SEC16A: variants seen among roughly 807,000 people sequenced by gnomAD.
SEC16A encodes the protein protein transport protein Sec16A.
In SEC16A, 110 loss-of-function variants were observed where a neutral mutation model predicts 221.9. That is an observed-to-expected ratio of 0.50 (90% CI 0.42 to 0.58). The LOEUF is 0.58. Ranked by LOEUF, SEC16A falls within the 20% of genes least tolerant of loss-of-function variation. SEC16A has a pLI of 0.00. For missense variants in SEC16A, 3,165 were observed against 3,097.8 expected (o/e 1.02, Z -0.52); for synonymous variants, 1,393 against 1,257.7 (o/e 1.11, Z -2.28).
chr9:136,476,178 G>C lies in SEC16A; in HGVS notation c.1438C>G (p.Pro480Ala), dbSNP rs1252469869. 2.5e-6 allele frequency: 4 copies of C among 1,613,814 alleles called. No homozygotes were observed. The highest frequency in any genetic ancestry group is 1.1e-5 in the South Asian group (1 of 91,076). Residue 480 changes from proline (P) to alanine (A), a missense_variant, in exon 3 of 32, where the codon CCT (proline) becomes GCT (alanine). Physicochemically the swap from Pro to Ala is conservative, Grantham distance 27. Transcript: ENST00000684901. Reference sequence around the variant, plus strand: ...CTGAACTGGTCACTCGGGGAGGAAGGGTCCAAATTGAGGGGCTCACTTGGC... The same window carrying C: ...CTGAACTGGTCACTCGGGGAGGAAGCGTCCAAATTGAGGGGCTCACTTGGC... Reference protein sequence around the residue: ...VLPSEPLNLDPSSPSDQFRYG... With the variant: ...VLPSEPLNLDASSPSDQFRYG...
At chr9:136,478,934 T>C (rs1197990295) in intron 1 of SEC16A, among the ~76,000 whole-genome samples, 104 bp from the exon 2 acceptor site, 2 of 149,298 alleles carry the variant, frequency 1.3e-5, no homozygotes, top group Admixed American at 1.4e-4. Context: ...CACCTCTTCA[T>C]AGGTCTCCGT....
At chr9:136,451,147 C>T in intron 23 of SEC16A, 109 bp downstream of exon 23, 1 of 1,145,526 alleles carries the variant, frequency 8.7e-7, no homozygotes, top group Non-Finnish European at 1.3e-6. Context: ...CTGTTTGTAT[C>T]AGGAGGCTAT....
intron 3 of SEC16A, among the ~76,000 whole-genome samples, chr9:136,473,321 C>T (rs1469984225): frequency 2.0e-5 from 3 of 152,234 alleles, no homozygotes; most frequent in African/African-American, 7.2e-5. Flanking sequence ...TGAACCCAAT[C>T]GGTGTATGTT....
chr9:136,479,419 C>T (rs1842041458), intron 1 of SEC16A, among the ~76,000 whole-genome samples: 1 of 151,946 alleles, frequency 6.6e-6, no homozygotes, highest in Non-Finnish European at 1.5e-5. Context: ...GTGGTGCGAT[C>T]TCGGCTCACT....
intron 11 of SEC16A, 81 bp downstream of exon 11, chr9:136,463,382 G>C: frequency 6.5e-7 from 1 of 1,549,134 alleles, no homozygotes; most frequent in South Asian, 1.2e-5. Context: ...ATCCCGCCCT[G>C]CTCCTTCGGG....
chr9:136,450,309 T>C (rs373397356), intron 23 of SEC16A, among the ~76,000 whole-genome samples: 1 of 151,988 alleles, frequency 6.6e-6, no homozygotes, highest in African/African-American at 2.4e-5. Flanking sequence ...AGGACTTATA[T>C]CCATAATACA....
In SEC16A at chr9:136,475,530, G is replaced by A; in HGVS notation, c.2086C>T (p.Pro696Ser). Residue 696 changes from proline (P) to serine (S), a missense_variant, in exon 3 of 32, where the codon CCC becomes TCC. Transcript: ENST00000684901. The surrounding 1 kb of genome is among the most constrained non-coding windows in gnomAD (Gnocchi z 5.0). ...VHMLPHAGAPPLDTVYPAPEK... is the reference protein window; with the variant it reads ...VHMLPHAGAPSLDTVYPAPEK... ...GGTGCTGGATACACAGTATCCAAGG[G>A]CGGTGCCCCTGCGTGCGGAAGCATG... The A allele has an allele frequency of 6.2e-7, 1 of 1,613,390 alleles. No individual in the cohort carries two copies. The highest frequency in any genetic ancestry group is 8.5e-7 in the Non-Finnish European group (1 of 1,179,666).
At position 136,475,398 on chromosome 9, in the gene SEC16A, G is replaced by A; in HGVS notation, c.2218C>T (p.Leu740=). The part of the protein sequence containing the change: ...ELPDFGGNVL[L]APAAPALYVC... ...TAAAGCGCCGGGGCTGCAGGGGCCA[G>A]AAGGACGTTGCCTCCAAAATCTGGC... Residue 740 remains leucine (L), a synonymous_variant, in exon 3 of 32, where the codon CTG becomes TTG. Coordinates refer to ENST00000684901, the MANE Select transcript of SEC16A (RefSeq NM_014866.2). This position sits in a 1 kb window ranked among gnomAD's most constrained non-coding sequence, Gnocchi z 5.0. 6.2e-7 allele frequency: 1 copy of A among 1,610,598 alleles called. No homozygotes were observed. The highest frequency in any genetic ancestry group is 1.7e-4 in the Middle Eastern group (1 of 6,050).
At chr9:136,469,385 G>C (rs369782734) in intron 4 of SEC16A, among the ~76,000 whole-genome samples, 1 of 152,218 alleles carries the variant, frequency 6.6e-6, no homozygotes, top group Non-Finnish European at 1.5e-5. Flanking sequence ...CCATGATCCT[G>C]ACTCTCACTA....
Position 136,447,662 on chromosome 9 carries a change from G to A in SEC16A, c.6466C>T (p.Pro2156Ser), listed in dbSNP as rs1456762922. ...ACAGTCTTGGGCATCGAGGTTGGAG[G>A]TGGGGGCGGGGCTTTCTTCTGCAGA... ...PEEEKKAPPP[P>S]PTSMPKTVQA... The change falls in exon 26 of 32, where the codon CCT (proline) becomes TCT (serine). Residue 2156 changes from proline to serine, a missense_variant. Physicochemically the swap from Pro to Ser is moderately conservative, Grantham distance 74. Transcript: ENST00000684901. The surrounding 1 kb of genome is among the most constrained non-coding windows in gnomAD (Gnocchi z 5.5). The A allele has an allele frequency of 9.3e-6, 15 of 1,612,310 alleles. No homozygotes were observed. Among genetic ancestry groups the A allele is most frequent in the Non-Finnish European group, 1.1e-5 (13 of 1,178,692 alleles).
In SEC16A at chr9:136,464,467, G is replaced by T; in HGVS notation, c.4399C>A (p.Leu1467Met). The T allele has an allele frequency of 6.2e-7, 1 of 1,612,966 alleles. No individual in the cohort carries two copies. Among genetic ancestry groups the T allele is most frequent in the Non-Finnish European group, 8.5e-7 (1 of 1,179,048 alleles). Residue 1467 changes from leucine (L) to methionine (M), a missense_variant, in exon 9 of 32, where the codon CTG becomes ATG. Coordinates refer to ENST00000684901, the MANE Select transcript of SEC16A (RefSeq NM_014866.2). Reference protein sequence around the residue: ...GGQLIKVIPNLPSEGQPALVE... With the variant: ...GGQLIKVIPNMPSEGQPALVE... ...AAGGCCGGCTGTCCTTCTGAAGGCA[G>T]ATTGGGAATCACTTTGATAAGCTGA...
intron 2 of SEC16A, among the ~76,000 whole-genome samples, chr9:136,477,999 C>T (rs1037119297): frequency 5.9e-5 from 9 of 152,206 alleles, no homozygotes; most frequent in African/African-American, 2.2e-4. Flanking sequence ...GCCACAACAA[C>T]AGGGACAGTG....
chr9:136,474,406 G>C lies in SEC16A; in HGVS notation c.3210C>G (p.Pro1070=), dbSNP rs1841337693. 1.2e-6 allele frequency: 2 copies of C among 1,612,714 alleles called. No individual in the cohort carries two copies. Among genetic ancestry groups the C allele is most frequent in the African/African-American group, 1.3e-5 (1 of 74,936 alleles). ...ELVPPQQQAS[P]PQLPKAMFSE... is the part of the protein sequence containing the mutation. ...AAAACATGGCTTTGGGTAGTTGTGGGGGAGAAGCCTGTTGCTGGGGTGGCA... is the reference window on the plus strand; with the variant it reads ...AAAACATGGCTTTGGGTAGTTGTGGCGGAGAAGCCTGTTGCTGGGGTGGCA... Residue 1070 remains proline (P), a synonymous_variant, in exon 3 of 32, where the codon CCC becomes CCG. Transcript: ENST00000684901.
At chr9:136,451,160 G>T in intron 23 of SEC16A, 96 bp downstream of exon 23, 4 of 1,273,928 alleles carry the variant, frequency 3.1e-6, no homozygotes, top group Non-Finnish European at 3.3e-6. Flanking sequence ...GAGGCTATTT[G>T]CATGTGTGGT....
chr9:136,455,640 G>A lies in SEC16A; in HGVS notation c.5818C>T (p.Pro1940Ser), dbSNP rs1426157363. ...NPLLAVPAPS[P>S]EHSSPSVRLL... ...CGCACGCTCGGGCTCGAGTGCTCAG[G>A]GCTCGGTGCAGGCACCGCCAGCAGA... The change falls in exon 20 of 32, where the codon CCT becomes TCT. Residue 1940 changes from proline (P) to serine (S), a missense_variant. Physicochemically the swap from Pro to Ser is moderately conservative, Grantham distance 74. Coordinates refer to ENST00000684901, the MANE Select transcript of SEC16A (RefSeq NM_014866.2). 8 of 1,587,922 alleles carry A rather than the reference G, an allele frequency of 5.0e-6. No homozygotes were observed. The highest frequency in any genetic ancestry group is 5.1e-6 in the Non-Finnish European group (6 of 1,168,574).
rs370992876 is a variant in SEC16A at position 136,453,469 on chromosome 9, C to T, written c.6118G>A (p.Glu2040Lys). Residue 2040 changes from glutamate (E) to lysine (K), a missense_variant, in exon 22 of 32, where the codon GAG (glutamate) becomes AAG (lysine). Transcript: ENST00000684901. The stretch of plus-strand genomic sequence containing the variant: ...CCATCAAAATTTTCTTCGCTTAGCT[C>T]GGAAAGTGAGTTTCCAACAGGCGCC... The part of the protein sequence containing the change: ...QEAPVGNSLS[E>K]LSEENFDGKF... The T allele has an allele frequency of 1.2e-6, 2 of 1,613,414 alleles. No individual in the cohort carries two copies. The highest frequency in any genetic ancestry group is 1.7e-6 in the Non-Finnish European group (2 of 1,179,414).
chr9:136,475,059 G>T lies in SEC16A; in HGVS notation c.2557C>A (p.His853Asn), dbSNP rs779264673. ...INFSVSLSNS[H>N]EKNQSWREAL... The stretch of plus-strand genomic sequence containing the variant: ...TCTCTCCAGGACTGATTCTTCTCAT[G>T]AGAGTTCGATAAGGACACAGAAAAG... Residue 853 changes from histidine (H) to asparagine (N), a missense_variant, in exon 3 of 32, where the codon CAT becomes AAT. By Grantham distance (68) the His-to-Asn change is moderately conservative. Around this residue, in one of 3 missense-constraint regions of SEC16A, gnomAD observed 2,030 missense variants for 1,923.1 expected, o/e 1.06. Coordinates refer to ENST00000684901, the MANE Select transcript of SEC16A (RefSeq NM_014866.2). This position sits in a 1 kb window ranked among gnomAD's most constrained non-coding sequence, Gnocchi z 5.0. 1.2e-6 allele frequency: 2 copies of T among 1,613,726 alleles called. No homozygotes were observed. The highest frequency in any genetic ancestry group is 1.7e-6 in the Non-Finnish European group (2 of 1,179,846).
chr9:136,457,681 G>T, intron 17 of SEC16A, 97 bp from the exon 18 acceptor site: 1 of 1,428,166 alleles, frequency 7.0e-7, no homozygotes. Flanking sequence ...CCCTGCATCC[G>T]AGCATCGCCC....
Position 136,441,687 on chromosome 9 carries a change from G to GTCGGTCGGGTTCT in SEC16A, c.*55_*67dup. The GTCGGTCGGGTTCT allele has an allele frequency of 6.9e-7, 1 of 1,451,988 alleles. No individual in the cohort carries two copies. The highest frequency in any genetic ancestry group is 1.1e-5 in the South Asian group (1 of 87,318). The allele number at this position is 1,451,988 out of a possible 1,614,324, so 89.9% of individuals were successfully genotyped here. Reference sequence around the variant, plus strand: ...TGGGGGCGGGACGGAGATCGCGGAGGTCGGTCGGGTTCTTCGGGGAGAACA... The same window carrying GTCGGTCGGGTTCT: ...TGGGGGCGGGACGGAGATCGCGGAGGTCGGTCGGGTTCTTCGGTCGGGTTCTTCGGGGAGAACA... On this transcript the variant is annotated 3_prime_UTR_variant, in exon 32 of 32. Coordinates refer to ENST00000684901, the MANE Select transcript of SEC16A (RefSeq NM_014866.2).
Sources: gnomAD v4.1 joint callset for allele counts (sites outside exome capture counted in the v4.1 genomes callset) on GRCh38, gnomAD v4.1.1 for gene constraint, gnomAD v4.1.1 regional missense constraint, Gnocchi (gnomAD v3.1) non-coding constraint, MANE v1.5 for transcripts, NCBI Gene and HGNC (gene_info 2026-07-23, HGNC 2026-07-21) for gene names.